MTUS2: variants seen among roughly 807,000 people sequenced by gnomAD.
The protein encoded by MTUS2 is microtubule-associated tumor suppressor candidate 2.
In MTUS2, 40 loss-of-function variants were observed where a neutral mutation model predicts 114.1. The observed-to-expected ratio is 0.35, with a 90% CI of 0.27 to 0.46. The LOEUF (loss-of-function observed/expected upper bound fraction) is 0.46. Among genes scored for constraint, MTUS2 ranks in the 20% least tolerant of loss-of-function variants. MTUS2 has a pLI of 1.00. For synonymous variants in MTUS2, 688 were observed against 672.0 expected (o/e 1.02, Z -0.37); for missense variants, 1,679 against 1,705.4 (o/e 0.98, Z 0.27).
chr13:29,203,989 T>C (rs1486064967), intron 5 of MTUS2, among the ~76,000 whole-genome samples: 2 of 151,690 alleles, frequency 1.3e-5, no homozygotes, highest in Non-Finnish European at 2.9e-5. Flanking sequence ...ACACGGGGTC[T>C]CGCTCGGTCA....
At chr13:29,479,542 C>T (rs934321522) in intron 9 of MTUS2, among the ~76,000 whole-genome samples, 13 of 152,124 alleles carry the variant, frequency 8.5e-5, no homozygotes, top group African/African-American at 2.9e-4. Context: ...AAAGAGATAC[C>T]GAGTAGAAAA....
chr13:29,012,862 A>G (rs1182673634), intron 2 of MTUS2, among the ~76,000 whole-genome samples: 1 of 152,102 alleles, frequency 6.6e-6, no homozygotes, highest in African/African-American at 2.4e-5. Context: ...TGACAGAGCG[A>G]GACTACATCT....
intron 5 of MTUS2, among the ~76,000 whole-genome samples, chr13:29,163,974 C>T (rs1003815122): frequency 2.6e-5 from 4 of 152,164 alleles, no homozygotes; most frequent in African/African-American, 7.2e-5. Context: ...TTTTGCTAAA[C>T]GTCGCTGAAA....
chr13:29,405,929 C>T (rs1432066030), intron 8 of MTUS2, among the ~76,000 whole-genome samples: 1 of 151,698 alleles, frequency 6.6e-6, no homozygotes, highest in Non-Finnish European at 1.5e-5. Flanking sequence ...TTAGTAGAGA[C>T]GGGGTTTCAC....
chr13:29,130,444 C>A (rs1891709959), intron 5 of MTUS2, among the ~76,000 whole-genome samples: 1 of 152,078 alleles, frequency 6.6e-6, no homozygotes, highest in Admixed American at 6.6e-5. Context: ...ATAATTCTTC[C>A]TTCTAGCCTT....
At chr13:29,124,326 C>G (rs1006515078) in intron 5 of MTUS2, among the ~76,000 whole-genome samples, 1 of 151,628 alleles carries the variant, frequency 6.6e-6, no homozygotes, top group East Asian at 1.9e-4. Flanking sequence ...TAAATTATTA[C>G]AATATAGTAT....
intron 4 of MTUS2, among the ~76,000 whole-genome samples, chr13:29,059,865 G>A (rs1168934645): frequency 1.3e-5 from 2 of 152,222 alleles, no homozygotes; most frequent in African/African-American, 4.8e-5. Flanking sequence ...GCAAGGGTGG[G>A]GTTGTTTACT....
chr13:29,013,165 T>A (rs974025553), intron 2 of MTUS2, among the ~76,000 whole-genome samples: 2 of 152,266 alleles, frequency 1.3e-5, no homozygotes, highest in Admixed American at 6.5e-5. Context: ...TCTCTTCGTT[T>A]GGAGTCCGTG....
At chr13:29,081,963 C>T (rs1001071835) in intron 4 of MTUS2, among the ~76,000 whole-genome samples, 2 of 152,048 alleles carry the variant, frequency 1.3e-5, no homozygotes, top group African/African-American at 2.4e-5. Context: ...GAAGTTTGTC[C>T]GATTGTGGTG....
chr13:28,884,074 A>C (rs923892960), intron 2 of MTUS2, among the ~76,000 whole-genome samples: 14 of 152,212 alleles, frequency 9.2e-5, no homozygotes, highest in Non-Finnish European at 1.8e-4. Flanking sequence ...TCTGAATGGA[A>C]AGCAGGGATT....
At chr13:29,111,251 C>T (rs554414106) in intron 5 of MTUS2, among the ~76,000 whole-genome samples, 87 of 152,162 alleles carry the variant, frequency 5.7e-4, no homozygotes, top group Non-Finnish European at 1.1e-3. Flanking sequence ...CTGGGCCAGA[C>T]TTTACTTCTG....
intron 2 of MTUS2, among the ~76,000 whole-genome samples, chr13:28,932,181 A>C (rs1231679405): frequency 6.6e-6 from 1 of 152,214 alleles, no homozygotes; most frequent in Non-Finnish European, 1.5e-5. Context: ...CTCCCTTGAG[A>C]GGCAGCACAG....
chr13:29,503,043 C>G lies in MTUS2; in HGVS notation c.3947C>G (p.Thr1316Ser). The G allele has an allele frequency of 1.9e-6, 3 of 1,614,200 alleles. No individual in the cohort carries two copies. The highest frequency in any genetic ancestry group is 2.5e-6 in the Non-Finnish European group (3 of 1,180,028). The change falls in exon 16 of 16, where the codon ACC (threonine) becomes AGC (serine). Residue 1316 changes from threonine to serine, a missense_variant. By Grantham distance (58) the Thr-to-Ser change is moderately conservative. Coordinates refer to ENST00000612955, the MANE Select transcript of MTUS2 (RefSeq NM_001033602.4). ...ANLQEYVEKETQEKKRLSRTN... is the reference protein window; with the variant it reads ...ANLQEYVEKESQEKKRLSRTN... ...CTCCAGGAATATGTTGAGAAGGAAA[C>G]CCAGGAGAAGAAGAGATTGAGCCGA...
chr13:28,897,354 A>G (rs887636096), intron 2 of MTUS2, among the ~76,000 whole-genome samples: 42 of 152,362 alleles, frequency 2.8e-4, no homozygotes, highest in African/African-American at 8.7e-4. Flanking sequence ...ATGAGATACC[A>G]GCTCACACCA....
intron 5 of MTUS2, among the ~76,000 whole-genome samples, chr13:29,144,959 A>C (rs1477030438): frequency 6.6e-6 from 1 of 152,202 alleles, no homozygotes; most frequent in Non-Finnish European, 1.5e-5. Flanking sequence ...CATCTGAGAC[A>C]AATTTAGGAA....
chr13:28,950,021 G>A (rs939872789), intron 2 of MTUS2, among the ~76,000 whole-genome samples: 13 of 152,198 alleles, frequency 8.5e-5, no homozygotes, highest in Admixed American at 2.6e-4. Flanking sequence ...ATTTCTTGAA[G>A]AACTGCTGTA....
Position 29,213,505 on chromosome 13 carries a change from A to G in MTUS2, c.2645-68199A>G, listed in dbSNP as rs368607472. 4.3e-3 allele frequency among the ~76,000 whole-genome samples: 661 copies of G among 152,292 alleles called. 12 individuals carry two copies. Among genetic ancestry groups the G allele is most frequent in the Admixed American group, 0.027 (406 of 15,298 alleles). On this transcript the variant is annotated intron_variant, in intron 5 of 15. Coordinates refer to ENST00000612955, the MANE Select transcript of MTUS2 (RefSeq NM_001033602.4). Reference sequence around the variant, plus strand: ...TCAACTTTATCAGCCTTTCCTCCATATATTCTGAAGCTCTGTAAGGTATAT... The same window carrying G: ...TCAACTTTATCAGCCTTTCCTCCATGTATTCTGAAGCTCTGTAAGGTATAT...
At chr13:29,454,664 A>G (rs1045456995) in intron 9 of MTUS2, among the ~76,000 whole-genome samples, 2 of 152,312 alleles carry the variant, frequency 1.3e-5, no homozygotes, top group East Asian at 1.9e-4. Context: ...CACTTGATCA[A>G]TTTTAGAAAG....
rs1222490339 is a variant in MTUS2 at position 29,487,885 on chromosome 13, G to A, written c.3400-15G>A. Reference sequence around the variant, plus strand: ...GCAGCTCTCTGTCTAACCAGTAACTGCGACTCTCCTCCAGGTGGAAGATCT... The same window carrying A: ...GCAGCTCTCTGTCTAACCAGTAACTACGACTCTCCTCCAGGTGGAAGATCT... On this transcript the variant is annotated splice_polypyrimidine_tract_variant and intron_variant, in intron 10 of 15. Transcript: ENST00000612955. 1.9e-6 allele frequency: 3 copies of A among 1,601,212 alleles called. No homozygotes were observed. The Admixed American group carries it at 5.0e-5, about 27-fold the overall frequency.
Sources: gnomAD v4.1 joint callset for allele counts (sites outside exome capture counted in the v4.1 genomes callset) on GRCh38, gnomAD v4.1.1 for gene constraint, MANE v1.5 for transcripts, NCBI Gene and HGNC (gene_info 2026-07-23, HGNC 2026-07-21) for gene names.